ZNF880: variants seen among roughly 807,000 people sequenced by gnomAD.
ZNF880 encodes the protein zinc finger protein 880.
A neutral mutation model predicts 11.8 loss-of-function variants in ZNF880; 12 were observed. That is an observed-to-expected ratio of 1.02 (90% CI 0.65 to 1.65). ZNF880 has a LOEUF of 1.65. Among genes scored for constraint, ZNF880 ranks in the 40% most tolerant of loss-of-function variants. The probability of loss-of-function intolerance (pLI) is 0.00; values close to 1 mark genes in which losing one functional copy is unlikely to be tolerated. For missense variants in ZNF880, 601 were observed against 673.9 expected, an observed-to-expected ratio of 0.89 and a Z score of 1.20; for synonymous variants, 210 against 232.4, an observed-to-expected ratio of 0.90 and a Z score of 0.88.
intron 2 of ZNF880, among the ~76,000 whole-genome samples, chr19:52,373,486 G>A (rs140474922): frequency 0.026 from 3,998 of 152,008 alleles, 66 homozygotes; most frequent in Non-Finnish European, 0.039. Context: ...ATTCATCATT[G>A]AGTGGTACCA....
the ZNF880 span, among the ~76,000 whole-genome samples, chr19:52,394,567 T>A: frequency 1.9e-3 from 295 of 152,342 alleles, 1 homozygote; most frequent in East Asian, 0.023. Flanking sequence ...TAGGTTGACC[T>A]TATACTTTGC....
At chr19:52,369,442 C>T (rs1345945612), upstream of ZNF880, among the ~76,000 whole-genome samples, 2 of 151,398 alleles carry the variant, frequency 1.3e-5, no homozygotes. Context: ...ATTTGCATCC[C>T]CTTCATAAAC....
the ZNF880 span, among the ~76,000 whole-genome samples, chr19:52,392,964 G>A: frequency 6.6e-6 from 1 of 152,064 alleles, no homozygotes; most frequent in East Asian, 1.9e-4. Context: ...TGGGATTACA[G>A]GTGTGAGCCA....
chr19:52,377,101 G>A (rs1213364444), intron 3 of ZNF880, among the ~76,000 whole-genome samples: 2 of 152,118 alleles, frequency 1.3e-5, no homozygotes, highest in Non-Finnish European at 2.9e-5. Context: ...CATGGTCTCT[G>A]TTTCTGTAGT....
chr19:52,385,968 G>A (rs58445916), downstream of ZNF880, among the ~76,000 whole-genome samples: 17,351 of 142,088 alleles, frequency 0.12, 2,950 homozygotes, highest in Middle Eastern at 0.21. Context: ...GAGGTTAGGA[G>A]ATCAAGACCA....
Position 52,384,501 on chromosome 19 carries a change from A to G in ZNF880, c.921A>G (p.Arg307=). The change falls in exon 4 of 4, where the codon AGA becomes AGG. Residue 307 remains arginine, a synonymous_variant. Transcript: ENST00000422689. ...ATGAGTGTGGCAAGGTCTTCAACAG[A>G]AATGCACACCTTGCACGACATCAGA... ...KCNECGKVFN[R]NAHLARHQKI... 6.2e-7 allele frequency: 1 copy of G among 1,613,970 alleles called. No homozygotes were observed. The highest frequency in any genetic ancestry group is 2.2e-5 in the East Asian group (1 of 44,836).
chr19:52,391,045 A>G, the ZNF880 span: 1 of 152,356 alleles, frequency 6.6e-6, no homozygotes. Context: ...CAACTAGAGA[A>G]ATTTAGAGAA....
At chr19:52,389,096 A>C (rs1986975636), downstream of ZNF880, 1 of 152,142 alleles carries the variant, frequency 6.6e-6, no homozygotes, top group African/African-American at 2.4e-5. Context: ...TGTGGGGATC[A>C]TGGGAGCTGC....
chr19:52,370,277 A>G, intron 1 of ZNF880: 2 of 430,004 alleles, frequency 4.7e-6, no homozygotes, highest in Non-Finnish European at 4.2e-6. Flanking sequence ...TAAAGTTCTC[A>G]CCCGCGAGAT....
chr19:52,386,032 A>G (rs1264722833), downstream of ZNF880, among the ~76,000 whole-genome samples: 2 of 142,186 alleles, frequency 1.4e-5, no homozygotes, highest in Non-Finnish European at 3.1e-5. Context: ...AAAATTAGCC[A>G]GGCATGGTGG....
chr19:52,393,460 C>G, the ZNF880 span, among the ~76,000 whole-genome samples: 1 of 151,056 alleles, frequency 6.6e-6, no homozygotes, highest in African/African-American at 2.4e-5. Context: ...ATGACAAATA[C>G]AAACTAGGTT....
In ZNF880 at chr19:52,374,414, A is replaced by C. The variant is rs756953820; in HGVS notation, c.255A>C (p.Lys85Asn). ...ATCCAGGTGGCAGGGAGTGCATCAAAGGTGTGAACGCAGGTAAGAGCTTGG... is the reference window on the plus strand; with the variant it reads ...ATCCAGGTGGCAGGGAGTGCATCAACGGTGTGAACGCAGGTAAGAGCTTGG... ...ANNPGGRECI[K>N]GVNAESSSKL... Residue 85 changes from lysine to asparagine, a missense_variant, in exon 3 of 4, where the codon AAA becomes AAC. Lys to Asn is a moderately conservative substitution (Grantham distance 94). Around this residue, in one of 3 missense-constraint regions of ZNF880, gnomAD observed 420 missense variants for 442.6 expected, o/e 0.95. Coordinates refer to ENST00000422689, the MANE Select transcript of ZNF880 (RefSeq NM_001145434.2). 6.2e-7 allele frequency: 1 copy of C among 1,612,138 alleles called. No homozygotes were observed. Among genetic ancestry groups the C allele is most frequent in the Non-Finnish European group, 8.5e-7 (1 of 1,179,104 alleles).
At chr19:52,387,268 A>G (rs372801518), downstream of ZNF880, among the ~76,000 whole-genome samples, 10 of 143,670 alleles carry the variant, frequency 7.0e-5, 3 homozygotes, top group East Asian at 2.0e-3. Context: ...GGTAAGTATA[A>G]TTTACACTAA....
chr19:52,375,021 C>G (rs2122362711), intron 3 of ZNF880, among the ~76,000 whole-genome samples: 1 of 151,818 alleles, frequency 6.6e-6, no homozygotes, highest in East Asian at 2.0e-4. Context: ...GCAGGCATGA[C>G]CCACCATGCC....
chr19:52,369,814 C>G (rs1986301311), upstream of ZNF880: 3 of 858,742 alleles, frequency 3.5e-6, no homozygotes, highest in Non-Finnish European at 5.7e-6. Flanking sequence ...GTCTCCACGG[C>G]AGGTCTAGCC....
intron 3 of ZNF880, among the ~76,000 whole-genome samples, chr19:52,378,440 C>T (rs902924818): frequency 4.6e-5 from 7 of 151,424 alleles, no homozygotes; most frequent in African/African-American, 1.7e-4. Context: ...GTCAGGGGAT[C>T]GAAACCATCC....
intron 1 of ZNF880, chr19:52,370,202 G>A: frequency 1.7e-6 from 1 of 602,002 alleles, no homozygotes; most frequent in Non-Finnish European, 2.9e-6. Flanking sequence ...CATGTAGACA[G>A]CTCCTGTCGC....
At chr19:52,393,200 G>A in the ZNF880 span, among the ~76,000 whole-genome samples, 1 of 151,774 alleles carries the variant, frequency 6.6e-6, no homozygotes, top group Non-Finnish European at 1.5e-5. Flanking sequence ...AGCCTCCTGA[G>A]TAGCTGGGAT....
Position 52,384,795 on chromosome 19 carries a change from G to T in ZNF880, c.1215G>T (p.Glu405Asp). 7.5e-6 allele frequency: 12 copies of T among 1,604,072 alleles called. No homozygotes were observed. Among genetic ancestry groups the T allele is most frequent in the Non-Finnish European group, 9.4e-6 (11 of 1,174,566 alleles). ...ATCATCATAGAATGCACACGGGAGA[G>T]CAACCTTACAAATGTAATGAATGTG... Reference protein sequence around the residue: ...LTNHHRMHTGEQPYKCNECGK... With the variant: ...LTNHHRMHTGDQPYKCNECGK... Residue 405 changes from glutamate to aspartate, a missense_variant, in exon 4 of 4, where the codon GAG (glutamate) becomes GAT (aspartate). Glu to Asp is a conservative substitution (Grantham distance 45). Coordinates refer to ENST00000422689, the MANE Select transcript of ZNF880 (RefSeq NM_001145434.2).
Sources: allele counts gnomAD v4.1 joint callset (sites outside exome capture counted in the v4.1 genomes callset), GRCh38; gene constraint gnomAD v4.1.1; regional missense constraint gnomAD v4.1.1; transcripts MANE v1.5; gene names NCBI Gene and HGNC (gene_info 2026-07-23, HGNC 2026-07-21).